The following ILDR1 variants were observed in gnomAD, a reference collection of about 807,000 sequenced individuals.
ILDR1 encodes immunoglobulin like domain containing receptor 1, also known as immunoglobulin-like domain-containing receptor 1.
A neutral mutation model predicts 62.4 loss-of-function variants in ILDR1; 56 were observed. The observed-to-expected ratio is 0.90, with a 90% CI of 0.72 to 1.12. The LOEUF (loss-of-function observed/expected upper bound fraction) is 1.12, where lower values mean the gene tolerates loss of function less well. ILDR1 is among the 50% of genes most tolerant of loss of function. ILDR1 has a pLI of 0.00. For synonymous variants in ILDR1, 284 were observed against 277.8 expected (o/e 1.02, Z -0.22); for missense variants, 736 against 710.6 (o/e 1.04, Z -0.41).
chr3:121,996,666 T>C lies in ILDR1; in HGVS notation c.647-2353A>G, dbSNP rs548423803. ...TAAAATCTGCCTTAGTCACCCTTAA[T>C]GAGCTTGTTAAAAATACAGCTTTCT... On this transcript the variant is annotated intron_variant, in intron 5 of 7. Coordinates refer to ENST00000344209, the MANE Select transcript of ILDR1 (RefSeq NM_001199799.2). Among the ~76,000 whole-genome samples, 4 of 152,336 alleles carry C rather than the reference T, an allele frequency of 2.6e-5. No homozygotes were observed. In the South Asian group the frequency reaches 8.3e-4, roughly 32 times the overall value.
At chr3:122,011,652 C>A (rs913780533) in intron 1 of ILDR1, among the ~76,000 whole-genome samples, 1 of 146,626 alleles carries the variant, frequency 6.8e-6, no homozygotes, top group Non-Finnish European at 1.5e-5. Flanking sequence ...CCCTGTCTCT[C>A]TTTCTCTCTC....
At chr3:122,052,494 G>A in the ILDR1 span, among the ~76,000 whole-genome samples, 1 of 152,120 alleles carries the variant, frequency 6.6e-6, no homozygotes, top group African/African-American at 2.4e-5. Context: ...AGTATGGTGG[G>A]TCCTATAAAC....
chr3:122,054,087 T>C, the ILDR1 span, among the ~76,000 whole-genome samples: 1 of 152,258 alleles, frequency 6.6e-6, no homozygotes, highest in African/African-American at 2.4e-5. Flanking sequence ...ATCTTCTTAT[T>C]TGAAGATTAA....
chr3:122,053,341 T>A, the ILDR1 span, among the ~76,000 whole-genome samples: 3 of 152,218 alleles, frequency 2.0e-5, no homozygotes, highest in Non-Finnish European at 4.4e-5. Flanking sequence ...GTTTTTTTAA[T>A]CATATATTCT....
chr3:122,030,909 G>C, the ILDR1 span, among the ~76,000 whole-genome samples: 6 of 152,190 alleles, frequency 3.9e-5, no homozygotes, highest in East Asian at 9.6e-4. Context: ...AGTTGAATGA[G>C]AGAATGTCTT....
chr3:122,032,941 C>A, the ILDR1 span, among the ~76,000 whole-genome samples: 1 of 152,214 alleles, frequency 6.6e-6, no homozygotes, highest in East Asian at 1.9e-4. Context: ...TACAGCCAAG[C>A]TGCTGTCAAA....
Position 122,006,972 on chromosome 3 carries a change from AG to A in ILDR1, c.229+18del, listed in dbSNP as rs774978045. Reference sequence around the variant, plus strand: ...GGTGTCTGGGACCCACAGAGGGCCAAGGGGGTAAGGATACTCACACGCTGAG... The same window carrying A: ...GGTGTCTGGGACCCACAGAGGGCCAAGGGGTAAGGATACTCACACGCTGAG... On this transcript the variant is annotated intron_variant, in intron 2 of 7. Coordinates refer to ENST00000344209, the MANE Select transcript of ILDR1 (RefSeq NM_001199799.2). The A allele has an allele frequency of 1.2e-6, 2 of 1,608,274 alleles. No homozygotes were observed. Among genetic ancestry groups the A allele is most frequent in the East Asian group, 2.2e-5 (1 of 44,776 alleles).
the ILDR1 span, among the ~76,000 whole-genome samples, chr3:122,060,467 A>G: frequency 2.0e-5 from 3 of 152,132 alleles, no homozygotes; most frequent in Non-Finnish European, 4.4e-5. Context: ...CCAGACCCAG[A>G]GTTCTTCCTT....
chr3:122,004,253 C>T (rs553590385), intron 3 of ILDR1, among the ~76,000 whole-genome samples: 1 of 152,268 alleles, frequency 6.6e-6, no homozygotes, highest in East Asian at 1.9e-4. Context: ...GAAATAGGCT[C>T]TGAATTATGT....
chr3:122,004,660 A>G (rs1274431389), intron 3 of ILDR1, among the ~76,000 whole-genome samples: 3 of 152,208 alleles, frequency 2.0e-5, no homozygotes, highest in African/African-American at 7.2e-5. Context: ...GGAAGATACC[A>G]TGATGCCTGT....
At chr3:122,032,933 C>A in the ILDR1 span, among the ~76,000 whole-genome samples, 1 of 152,238 alleles carries the variant, frequency 6.6e-6, no homozygotes, top group South Asian at 2.1e-4. Flanking sequence ...AAAAACCATA[C>A]AGCCAAGCTG....
At chr3:122,006,768 G>A (rs1413033896) in intron 2 of ILDR1, among the ~76,000 whole-genome samples, 2 of 151,992 alleles carry the variant, frequency 1.3e-5, no homozygotes, top group Non-Finnish European at 2.9e-5. Context: ...GAACAAAGCA[G>A]GAAAAAATTT....
At chr3:122,029,458 G>A in the ILDR1 span, among the ~76,000 whole-genome samples, 2 of 150,778 alleles carry the variant, frequency 1.3e-5, no homozygotes, top group Non-Finnish European at 2.9e-5. Context: ...AGTGAGCCGA[G>A]ATCCAGCCAC....
intron 2 of ILDR1, among the ~76,000 whole-genome samples, chr3:122,005,936 C>CA (rs111865165): frequency 1.1e-3 from 166 of 149,208 alleles, no homozygotes; most frequent in African/African-American, 3.3e-3. Context: ...AACAAACAAA[C>CA]AAAAAAAAAA....
intron 5 of ILDR1, among the ~76,000 whole-genome samples, chr3:121,999,893 CT>C (rs1274415456): frequency 6.6e-6 from 1 of 152,156 alleles, no homozygotes; most frequent in East Asian, 1.9e-4. Context: ...TCTAATTCTT[CT>C]TTTCCCCTTT....
At chr3:122,027,335 G>A in the ILDR1 span, among the ~76,000 whole-genome samples, 10 of 151,928 alleles carry the variant, frequency 6.6e-5, no homozygotes, top group Non-Finnish European at 8.8e-5. Context: ...GATTACCTGC[G>A]CCCACCACTA....
upstream of ILDR1, among the ~76,000 whole-genome samples, chr3:122,024,899 A>T (rs1175310471): frequency 1.3e-5 from 2 of 152,206 alleles, no homozygotes; most frequent in Middle Eastern, 3.2e-3. Context: ...GGCTCTGTCA[A>T]TGTGTGCTAA....
the ILDR1 span, among the ~76,000 whole-genome samples, chr3:122,053,862 C>CTTTAATA: frequency 1.3e-5 from 2 of 152,040 alleles, no homozygotes; most frequent in Non-Finnish European, 2.9e-5. Flanking sequence ...CATCCCATAC[C>CTTTAATA]TTTAATATTT....
intron 7 of ILDR1, among the ~76,000 whole-genome samples, 171 bp from the exon 8 acceptor site, chr3:121,988,579 T>C (rs1489946364): frequency 6.6e-6 from 1 of 152,198 alleles, no homozygotes; most frequent in African/African-American, 2.4e-5. Context: ...CCAATCTCTC[T>C]CCCCAGGCTT....
Sources: allele counts gnomAD v4.1 joint callset (sites outside exome capture counted in the v4.1 genomes callset), GRCh38; gene constraint gnomAD v4.1.1; transcripts MANE v1.5; gene names NCBI Gene and HGNC (gene_info 2026-07-23, HGNC 2026-07-21).